Variants in L3MBTL4 observed in about 807,000 individuals in gnomAD.
The protein encoded by L3MBTL4 is L3MBTL histone methyl-lysine binding protein 4, also known as lethal(3)malignant brain tumor-like protein 4.
In L3MBTL4, 70 loss-of-function variants were observed where a neutral mutation model predicts 84.5. The ratio of observed to expected loss-of-function variants is 0.83; its 90% CI spans 0.68 to 1.01. L3MBTL4 has a LOEUF of 1.01. Among genes scored for constraint, L3MBTL4 ranks in the 50% least tolerant of loss-of-function variants. The pLI is 0.00. For missense variants in L3MBTL4, 715 were observed against 754.8 expected (o/e 0.95, Z 0.62); for synonymous variants, 274 against 259.8 (o/e 1.05, Z -0.52).
chr18:6,352,849 T>G (rs1472230770), intron 1 of L3MBTL4, among the ~76,000 whole-genome samples: 2 of 152,242 alleles, frequency 1.3e-5, no homozygotes, highest in African/African-American at 4.8e-5. Context: ...TTCAGGAACT[T>G]TAAATGGTCA....
chr18:6,199,069 TA>T (rs2045533659), intron 12 of L3MBTL4, among the ~76,000 whole-genome samples: 1 of 152,224 alleles, frequency 6.6e-6, no homozygotes, highest in Admixed American at 6.5e-5. Context: ...TTTTTAAGCT[TA>T]TGATGTTCAC....
intron 14 of L3MBTL4, among the ~76,000 whole-genome samples, chr18:6,108,508 C>T (rs940162484): frequency 6.6e-6 from 1 of 152,000 alleles, no homozygotes; most frequent in Non-Finnish European, 1.5e-5. Context: ...GTCCAATTTG[C>T]AATAATATAT....
chr18:6,397,147 A>G (rs1374091457), intron 1 of L3MBTL4: 1 of 152,262 alleles, frequency 6.6e-6, no homozygotes, highest in Admixed American at 6.5e-5. Context: ...CTGAGCAGAC[A>G]GAAGGACCAA....
intron 13 of L3MBTL4, among the ~76,000 whole-genome samples, chr18:6,159,138 C>T (rs1288006391): frequency 6.6e-6 from 1 of 152,188 alleles, no homozygotes; most frequent in African/African-American, 2.4e-5. Flanking sequence ...CCTCATGCCT[C>T]ATGCAGCATT....
At chr18:6,324,853 CA>C (rs371880043) in intron 1 of L3MBTL4, among the ~76,000 whole-genome samples, 4 of 151,970 alleles carry the variant, frequency 2.6e-5, no homozygotes, top group South Asian at 2.1e-4. Context: ...ACAATCTACA[CA>C]AAAAAAGGGC....
chr18:6,246,395 T>A (rs1245340710), intron 5 of L3MBTL4, among the ~76,000 whole-genome samples: 1 of 152,210 alleles, frequency 6.6e-6, no homozygotes, highest in Non-Finnish European at 1.5e-5. Flanking sequence ...TTTGCTCCAA[T>A]TCATCATTAT....
At chr18:6,384,268 C>A (rs1200278287) in intron 1 of L3MBTL4, among the ~76,000 whole-genome samples, 2 of 152,166 alleles carry the variant, frequency 1.3e-5, no homozygotes, top group African/African-American at 4.8e-5. Flanking sequence ...TGCACACACA[C>A]ACACTCATAT....
At chr18:6,389,617 T>G (rs341209) in intron 1 of L3MBTL4, among the ~76,000 whole-genome samples, 2 of 151,980 alleles carry the variant, frequency 1.3e-5, no homozygotes, top group South Asian at 2.1e-4. Context: ...AAATATTCCA[T>G]GCAAATGGAA....
At chr18:6,258,206 G>T (rs531925577) in intron 5 of L3MBTL4, among the ~76,000 whole-genome samples, 24 of 152,326 alleles carry the variant, frequency 1.6e-4, no homozygotes, top group African/African-American at 5.8e-4. Flanking sequence ...GAGGAAAGAT[G>T]CCTGCCAGCA....
At chr18:6,237,445 CTTTTTTTTTTTTTT>C (rs1173599586) in intron 10 of L3MBTL4, among the ~76,000 whole-genome samples, 1 of 88,886 alleles carries the variant, frequency 1.1e-5, no homozygotes. Context: ...CCTAGTACAT[CTTTTTTTTTTTTTT>C]TTTTTTTTTT....
rs760625664 is a variant in L3MBTL4 at position 6,358,147 on chromosome 18, TG to T, written c.-90-46092del. 2.2e-4 allele frequency among the ~76,000 whole-genome samples: 33 copies of T among 152,366 alleles called. No individual in the cohort carries two copies. In the East Asian group the frequency reaches 6.4e-3, roughly 29 times the overall value. On this transcript the variant is annotated intron_variant, in intron 1 of 18. Transcript: ENST00000317931. ...TATGCTGGGAGTTAACAACCTCATT[TG>T]TAAAATCAGTGGATGAGACTATCCT...
chr18:6,322,200 A>T (rs893247712), intron 1 of L3MBTL4, among the ~76,000 whole-genome samples: 15 of 147,558 alleles, frequency 1.0e-4, no homozygotes, highest in South Asian at 2.2e-4. Context: ...ATACAAATTT[A>T]AAAAAAAATT....
chr18:6,109,996 G>A (rs598596), intron 14 of L3MBTL4, among the ~76,000 whole-genome samples: 4 of 152,122 alleles, frequency 2.6e-5, no homozygotes, highest in Non-Finnish European at 5.9e-5. Context: ...ACGGGGTGAA[G>A]GAGGAGTGGA....
At chr18:6,401,996 T>C (rs28416851) in intron 1 of L3MBTL4, among the ~76,000 whole-genome samples, 2,496 of 152,324 alleles carry the variant, frequency 0.016, 78 homozygotes, top group African/African-American at 0.056. Context: ...AGTATTATAC[T>C]TCTCTAAGCC....
intron 16 of L3MBTL4, among the ~76,000 whole-genome samples, chr18:6,016,574 C>T (rs2054991229): frequency 6.6e-6 from 1 of 152,184 alleles, no homozygotes; most frequent in African/African-American, 2.4e-5. Context: ...TGCAAAGAGA[C>T]ACACCGAGTA....
chr18:6,080,825 G>T, intron 16 of L3MBTL4, 56 bp downstream of exon 16: 2 of 1,260,728 alleles, frequency 1.6e-6, no homozygotes, highest in Non-Finnish European at 2.3e-6. Flanking sequence ...AAACAAATAA[G>T]ACATTCTGCA....
At chr18:6,226,180 G>A (rs1376576840) in intron 10 of L3MBTL4, among the ~76,000 whole-genome samples, 1 of 152,202 alleles carries the variant, frequency 6.6e-6, no homozygotes, top group African/African-American at 2.4e-5. Context: ...GCAGAGGCAG[G>A]TGGATTACTT....
chr18:6,098,589 A>G (rs998572094), intron 14 of L3MBTL4, among the ~76,000 whole-genome samples: 6 of 152,198 alleles, frequency 3.9e-5, no homozygotes, highest in African/African-American at 1.4e-4. Context: ...CCTGAAAAGT[A>G]AAGTCGCCCA....
chr18:6,393,773 CT>C (rs1221330319), intron 1 of L3MBTL4, among the ~76,000 whole-genome samples: 4 of 152,072 alleles, frequency 2.6e-5, no homozygotes, highest in Non-Finnish European at 5.9e-5. Context: ...TGATCATAGC[CT>C]CTCCAGCAGG....
Sources: gnomAD v4.1 joint callset for allele counts (sites outside exome capture counted in the v4.1 genomes callset) on GRCh38, gnomAD v4.1.1 for gene constraint, MANE v1.5 for transcripts, NCBI Gene and HGNC (gene_info 2026-07-23, HGNC 2026-07-21) for gene names.